Variants in RB1CC1 observed in about 807,000 individuals in gnomAD.
RB1CC1 encodes the protein RB1 inducible coiled-coil 1, also known as RB1-inducible coiled-coil protein 1.
RB1CC1 carries 46 observed loss-of-function variants against 177.5 expected under a neutral mutation model. That is an observed-to-expected ratio of 0.26 (90% CI 0.20 to 0.33). RB1CC1 has a LOEUF of 0.33. Among genes scored for constraint, RB1CC1 ranks in the 10% least tolerant of loss-of-function variants. The pLI is 1.00. For synonymous variants in RB1CC1, 666 were observed against 613.6 expected (o/e 1.09, Z -1.26); for missense variants, 1,703 against 1,816.3 (o/e 0.94, Z 1.13).
intron 1 of RB1CC1, among the ~76,000 whole-genome samples, chr8:52,708,283 G>C (rs1856759429): frequency 6.6e-6 from 1 of 152,210 alleles, no homozygotes; most frequent in Non-Finnish European, 1.5e-5. Context: ...TTGGGAGGCT[G>C]AGGCGGGTGG....
chr8:52,658,579 G>GAAAA (rs67680393), intron 13 of RB1CC1, among the ~76,000 whole-genome samples: 21 of 98,782 alleles, frequency 2.1e-4, no homozygotes, highest in Non-Finnish European at 2.9e-4. Context: ...TCCGTCTCAA[G>GAAAA]AAAAAAAAAA....
intron 13 of RB1CC1, 94 bp from the exon 14 acceptor site, chr8:52,658,218 A>G (rs922116418): frequency 1.6e-6 from 2 of 1,284,650 alleles, no homozygotes; most frequent in African/African-American, 1.5e-5. Context: ...AAATAACAAG[A>G]GCCTTATCAT....
At chr8:52,710,464 T>G (rs532719699) in intron 1 of RB1CC1, among the ~76,000 whole-genome samples, 3 of 152,146 alleles carry the variant, frequency 2.0e-5, no homozygotes, top group Non-Finnish European at 4.4e-5. Context: ...TCCCTAGGTG[T>G]ACAGGAAATA....
intron 7 of RB1CC1, 59 bp downstream of exon 7, chr8:52,673,786 A>G: frequency 7.1e-7 from 1 of 1,411,590 alleles, no homozygotes; most frequent in Non-Finnish European, 9.5e-7. Context: ...TAAAATATTT[A>G]GGATAAATAA....
Position 52,683,649 on chromosome 8 carries a change from G to A in RB1CC1, c.269C>T (p.Thr90Ile). Reference protein sequence around the residue: ...LCDRPPAIPKTTFSTENDMEI... With the variant: ...LCDRPPAIPKITFSTENDMEI... The stretch of plus-strand genomic sequence containing the variant: ...CATGTCATTTTCTGTCGAAAAGGTA[G>A]TTTTAGGAATAGCAGGTGGACGATC... Residue 90 changes from threonine to isoleucine, a missense_variant, in exon 5 of 24, where the codon ACT becomes ATT. Physicochemically the swap from Thr to Ile is moderately conservative, Grantham distance 89. Coordinates refer to ENST00000025008, the MANE Select transcript of RB1CC1 (RefSeq NM_014781.5). The A allele has an allele frequency of 1.2e-6, 2 of 1,612,354 alleles. No homozygotes were observed. The highest frequency in any genetic ancestry group is 3.3e-4 in the Middle Eastern group (2 of 5,984).
Position 52,639,376 on chromosome 8 carries a change from TCTATGATCTACA to T in RB1CC1, c.4337+2963_4337+2974del, listed in dbSNP as rs533435760. The stretch of plus-strand genomic sequence containing the variant: ...TGCAAACTACTCCTCTTTGGATATA[TCTATGATCTACA>T]CTCTGATGTACTCTGTTAATTCTAA... On this transcript the variant is annotated intron_variant, in intron 18 of 23. Coordinates refer to ENST00000025008, the MANE Select transcript of RB1CC1 (RefSeq NM_014781.5). Among the ~76,000 whole-genome samples, 267 of 143,142 alleles carry T rather than the reference TCTATGATCTACA, an allele frequency of 1.9e-3. 2 individuals are homozygous for T. The highest frequency in any genetic ancestry group is 6.8e-3 in the African/African-American group (262 of 38,596). The allele number at this position is 143,142 out of a possible 152,430, so 93.9% of individuals were successfully genotyped here.
rs370413903 is a variant in RB1CC1 at position 52,648,126 on chromosome 8, ACT to A, written c.3822-2261_3822-2260del. Among the ~76,000 whole-genome samples, 9 of 152,190 alleles carry A rather than the reference ACT, an allele frequency of 5.9e-5. No individual in the cohort carries two copies. The South Asian group carries it at 1.2e-3, about 21-fold the overall frequency. On this transcript the variant is annotated intron_variant, in intron 15 of 23. Coordinates refer to ENST00000025008, the MANE Select transcript of RB1CC1 (RefSeq NM_014781.5). ...ACAAACAGATATAGACACCCCTGAC[ACT>A]CTCTGTAAACACCATATCCCCAAAA...
At chr8:52,706,412 T>A (rs1255498823) in intron 1 of RB1CC1, among the ~76,000 whole-genome samples, 1 of 150,590 alleles carries the variant, frequency 6.6e-6, no homozygotes, top group Non-Finnish European at 1.5e-5. Flanking sequence ...AGGGGCTGGG[T>A]GCAGTGGTGC....
intron 1 of RB1CC1, among the ~76,000 whole-genome samples, chr8:52,693,035 A>G (rs1563452990): frequency 6.6e-6 from 1 of 152,228 alleles, no homozygotes; most frequent in Non-Finnish European, 1.5e-5. Context: ...AGGATTCCCT[A>G]TTTAATAAAC....
At chr8:52,649,325 C>T (rs1194352043) in intron 15 of RB1CC1, among the ~76,000 whole-genome samples, 2 of 152,036 alleles carry the variant, frequency 1.3e-5, no homozygotes, top group Non-Finnish European at 2.9e-5. Flanking sequence ...TTTAGTATCA[C>T]GGAAACTTGA....
At chr8:52,630,613 C>T (rs1848687645) in intron 20 of RB1CC1, 85 bp from the exon 21 acceptor site, 3 of 1,375,920 alleles carry the variant, frequency 2.2e-6, no homozygotes, top group South Asian at 1.5e-5. Context: ...CACTGTTATA[C>T]ACATTCAAGC....
rs113216177 is a variant in RB1CC1 at position 52,683,823 on chromosome 8, ACT to A, written c.198+62_198+63del. 4,856 of 1,590,204 alleles carry A rather than the reference ACT, an allele frequency of 3.1e-3. 131 individuals are homozygous for A. The African/African-American group carries it at 0.058, about 19-fold the overall frequency. ...AAGCAAATAAACCTTACTTTTGAACACTGAGTTCCCAATGTGATGTAAAGATG... is the reference window on the plus strand; with the variant it reads ...AAGCAAATAAACCTTACTTTTGAACAGAGTTCCCAATGTGATGTAAAGATG... On this transcript the variant is annotated intron_variant, in intron 4 of 23. Coordinates refer to ENST00000025008, the MANE Select transcript of RB1CC1 (RefSeq NM_014781.5).
intron 1 of RB1CC1, among the ~76,000 whole-genome samples, chr8:52,700,919 CTTGAA>C (rs1293671541): frequency 6.6e-6 from 1 of 152,164 alleles, no homozygotes; most frequent in Non-Finnish European, 1.5e-5. Context: ...GAAATCTTTA[CTTGAA>C]TTGAATTTCC....
intron 15 of RB1CC1, among the ~76,000 whole-genome samples, chr8:52,650,100 G>A (rs1046765151): frequency 2.6e-5 from 4 of 152,138 alleles, no homozygotes; most frequent in African/African-American, 9.7e-5. Context: ...TTTCTCCTTG[G>A]CAGCTGGCCC....
intron 3 of RB1CC1, 116 bp downstream of exon 3, chr8:52,685,283 C>T (rs535979906): frequency 7.5e-5 from 53 of 709,566 alleles, no homozygotes; most frequent in African/African-American, 5.3e-4. Flanking sequence ...GGATTACAGG[C>T]GTGAGGTACC....
Position 52,661,176 on chromosome 8 carries a change from A to G in RB1CC1, c.1464T>C (p.Ala488=). ...AGTACATCTGAGGAACTGTACTAAG[A>G]GCTTCAACAATTTTGACTCTTTCTA... ...ELLERVKIVE[A]LSTVPQMYCL... is the part of the protein sequence containing the mutation. The change falls in exon 10 of 24, where the codon GCT becomes GCC. Residue 488 remains alanine (A), a synonymous_variant. Transcript: ENST00000025008. 1 of 1,613,964 alleles carries G rather than the reference A, an allele frequency of 6.2e-7. No individual in the cohort carries two copies. The highest frequency in any genetic ancestry group is 8.5e-7 in the Non-Finnish European group (1 of 1,179,894).
At position 52,656,216 on chromosome 8, in the gene RB1CC1, A is replaced by T. The variant is rs1851068924; in HGVS notation, c.3613T>A (p.Tyr1205Asn). The part of the protein sequence containing the change: ...DEKITQQEEK[Y>N]EAIIQNLEKD... ...TCAAGGTTCTGGATAATAGCTTCGTATTTCTCTTCTTGTTGGGTAATTTTT... is the reference window on the plus strand; with the variant it reads ...TCAAGGTTCTGGATAATAGCTTCGTTTTTCTCTTCTTGTTGGGTAATTTTT... The change falls in exon 15 of 24, where the codon TAC becomes AAC. Residue 1205 changes from tyrosine to asparagine, a missense_variant. Around this residue, in one of 6 missense-constraint regions of RB1CC1, gnomAD observed 1,169 missense variants for 1,184.7 expected, o/e 0.99. Coordinates refer to ENST00000025008, the MANE Select transcript of RB1CC1 (RefSeq NM_014781.5). 1.2e-6 allele frequency: 2 copies of T among 1,613,204 alleles called. No individual in the cohort carries two copies. The highest frequency in any genetic ancestry group is 1.7e-6 in the Non-Finnish European group (2 of 1,179,792).
chr8:52,640,344 G>A (rs1020514298), intron 18 of RB1CC1, among the ~76,000 whole-genome samples: 1 of 152,082 alleles, frequency 6.6e-6, no homozygotes, highest in Non-Finnish European at 1.5e-5. Context: ...AATGTACTGC[G>A]CTATCTCAAA....
intron 15 of RB1CC1, among the ~76,000 whole-genome samples, chr8:52,654,263 T>C (rs1483821020): frequency 6.6e-6 from 1 of 152,226 alleles, no homozygotes; most frequent in African/African-American, 2.4e-5. Flanking sequence ...TCCATAGGCT[T>C]TGCCCTTGCT....
Sources: allele counts gnomAD v4.1 joint callset (sites outside exome capture counted in the v4.1 genomes callset), GRCh38; gene constraint gnomAD v4.1.1; regional missense constraint gnomAD v4.1.1; transcripts MANE v1.5; gene names NCBI Gene and HGNC (gene_info 2026-07-23, HGNC 2026-07-21).